SPMIP2: variants seen among roughly 807,000 people sequenced by gnomAD.
The protein encoded by SPMIP2 is protein SPMIP2.
At chr4:158,922,170 G>A in the SPMIP2 span, among the ~76,000 whole-genome samples, 14 of 152,268 alleles carry the variant, frequency 9.2e-5, no homozygotes, top group African/African-American at 3.1e-4. Context: ...TTACAGGCGT[G>A]AGCCACCGCG....
the SPMIP2 span, among the ~76,000 whole-genome samples, chr4:158,954,168 A>C: frequency 6.6e-6 from 1 of 152,150 alleles, no homozygotes; most frequent in Non-Finnish European, 1.5e-5. Flanking sequence ...CTCATCTTGA[A>C]TTGTACTCCC....
At chr4:158,938,629 C>T in the SPMIP2 span, among the ~76,000 whole-genome samples, 36 of 152,298 alleles carry the variant, frequency 2.4e-4, no homozygotes, top group Non-Finnish European at 4.1e-4. Context: ...GTGACGTCAC[C>T]AGGACATTGC....
chr4:158,962,492 C>A, the SPMIP2 span, among the ~76,000 whole-genome samples: 1 of 152,210 alleles, frequency 6.6e-6, no homozygotes, highest in African/African-American at 2.4e-5. Context: ...ATAGCCTCCT[C>A]CTTGGTAACA....
chr4:158,929,601 ATATCT>A, the SPMIP2 span, among the ~76,000 whole-genome samples: 1 of 152,172 alleles, frequency 6.6e-6, no homozygotes, highest in Non-Finnish European at 1.5e-5. Flanking sequence ...ATTATCATTA[ATATCT>A]TATTTCAAAA....
chr4:158,904,251 C>T, the SPMIP2 span, among the ~76,000 whole-genome samples: 2 of 152,262 alleles, frequency 1.3e-5, no homozygotes, highest in Admixed American at 6.5e-5. Context: ...TCCTGTATTT[C>T]TCTCCCTTTG....
chr4:159,049,014 G>C, the SPMIP2 span, among the ~76,000 whole-genome samples: 1 of 151,950 alleles, frequency 6.6e-6, no homozygotes. Context: ...AAATGTTAAG[G>C]TTATGTCAGG....
At chr4:158,992,823 T>G in the SPMIP2 span, among the ~76,000 whole-genome samples, 4 of 152,178 alleles carry the variant, frequency 2.6e-5, no homozygotes, top group African/African-American at 7.2e-5. Flanking sequence ...AAGGCTTTAA[T>G]CTCATTCATG....
the SPMIP2 span, chr4:158,904,825 C>T: frequency 2.6e-6 from 1 of 384,248 alleles, no homozygotes; most frequent in Non-Finnish European, 4.8e-6. Context: ...AACATAAGCA[C>T]TAAACACTAA....
chr4:159,068,688 A>G, the SPMIP2 span, among the ~76,000 whole-genome samples: 1 of 151,434 alleles, frequency 6.6e-6, no homozygotes, highest in Admixed American at 6.6e-5. Context: ...AATAAATAAA[A>G]AATAAAAAAA....
At chr4:159,080,153 A>C in the SPMIP2 span, among the ~76,000 whole-genome samples, 1 of 152,172 alleles carries the variant, frequency 6.6e-6, no homozygotes, top group African/African-American at 2.4e-5. Context: ...CGCCTCTAGA[A>C]GCTTACAATC....
At chr4:158,907,870 A>G in the SPMIP2 span, 1 of 152,224 alleles carries the variant, frequency 6.6e-6, no homozygotes, top group Non-Finnish European at 1.5e-5. Flanking sequence ...TTCAAAAACG[A>G]GAAAATTCTG....
chr4:158,940,497 C>G, the SPMIP2 span, among the ~76,000 whole-genome samples: 38 of 151,008 alleles, frequency 2.5e-4, no homozygotes, highest in African/African-American at 9.0e-4. Flanking sequence ...GATTTTCAGT[C>G]CCTAGATTCA....
chr4:159,007,795 T>C, the SPMIP2 span: 70 of 576,612 alleles, frequency 1.2e-4, no homozygotes, highest in African/African-American at 5.6e-4. Context: ...CTGGAGAAAA[T>C]TGTCAACCCG....
At chr4:158,908,617 A>G in the SPMIP2 span, among the ~76,000 whole-genome samples, 2 of 152,318 alleles carry the variant, frequency 1.3e-5, no homozygotes, top group East Asian at 1.9e-4. Flanking sequence ...TTGAGTCACC[A>G]ATACAGGACA....
At chr4:158,969,742 A>G in the SPMIP2 span, among the ~76,000 whole-genome samples, 41 of 152,322 alleles carry the variant, frequency 2.7e-4, no homozygotes, top group South Asian at 8.3e-3. Flanking sequence ...GTGCCTGAGC[A>G]TCCTTAACCG....
chr4:159,001,961 A>C, the SPMIP2 span, among the ~76,000 whole-genome samples: 1 of 152,188 alleles, frequency 6.6e-6, no homozygotes, highest in Non-Finnish European at 1.5e-5. Flanking sequence ...ACACTCCAAC[A>C]AGTGTTCCCT....
chr4:159,067,470 A>G, the SPMIP2 span, among the ~76,000 whole-genome samples: 1 of 152,164 alleles, frequency 6.6e-6, no homozygotes, highest in Non-Finnish European at 1.5e-5. Flanking sequence ...ACCTCAGGTG[A>G]TCCACCCGCC....
At chr4:158,960,791 A>G in the SPMIP2 span, among the ~76,000 whole-genome samples, 100,323 of 152,016 alleles carry the variant, frequency 0.66, 33,350 homozygotes, top group South Asian at 0.8. Flanking sequence ...AGACTGTGGT[A>G]AAGTGTAGAT....
At chr4:158,922,566 C>G in the SPMIP2 span, among the ~76,000 whole-genome samples, 1 of 152,162 alleles carries the variant, frequency 6.6e-6, no homozygotes, top group African/African-American at 2.4e-5. Flanking sequence ...TCATATCATT[C>G]AATCATGTTT....
Sources: gnomAD v4.1 joint callset for allele counts (sites outside exome capture counted in the v4.1 genomes callset) on GRCh38, gnomAD v4.1.1 for gene constraint, MANE v1.5 for transcripts, NCBI Gene and HGNC (gene_info 2026-07-23, HGNC 2026-07-21) for gene names.